The following ADORA2B variants were observed in gnomAD, a reference collection of about 807,000 sequenced individuals.
ADORA2B encodes adenosine receptor A2b.
ADORA2B carries 18 observed loss-of-function variants against 20.8 expected under a neutral mutation model. The ratio of observed to expected loss-of-function variants is 0.87; its 90% CI spans 0.60 to 1.29. ADORA2B has a LOEUF of 1.29. Among genes scored for constraint, ADORA2B ranks in the 50% most tolerant of loss-of-function variants. The pLI is 0.00. For missense variants in ADORA2B, 441 were observed against 422.7 expected, an observed-to-expected ratio of 1.04 and a Z score of -0.38; for synonymous variants, 179 against 178.3, an observed-to-expected ratio of 1.00 and a Z score of -0.03.
At chr17:15,924,513 C>T in the ADORA2B span, among the ~76,000 whole-genome samples, 1 of 151,988 alleles carries the variant, frequency 6.6e-6, no homozygotes, top group African/African-American at 2.4e-5. Flanking sequence ...GGGCAAATCA[C>T]GAGGTCAGGA....
chr17:15,908,562 A>G, the ADORA2B span: 1 of 187,192 alleles, frequency 5.3e-6, no homozygotes, highest in Non-Finnish European at 1.2e-5. Context: ...AAGGTCCTGA[A>G]CACAGACCGG....
chr17:15,960,485 C>G (rs912175062), intron 1 of ADORA2B, among the ~76,000 whole-genome samples: 490 of 6,170 alleles, frequency 0.079, 171 homozygotes, highest in African/African-American at 0.092. Flanking sequence ...ACCCGGGAGG[C>G]GGAGCTTGCA....
At chr17:15,958,908 T>C (rs1170466286) in intron 1 of ADORA2B, among the ~76,000 whole-genome samples, 1 of 152,246 alleles carries the variant, frequency 6.6e-6, no homozygotes, top group Non-Finnish European at 1.5e-5. Context: ...GCTTTCTCAT[T>C]ATCCCCTGTG....
upstream of ADORA2B, among the ~76,000 whole-genome samples, chr17:15,944,424 C>T (rs1366950858): frequency 6.6e-6 from 1 of 152,088 alleles, no homozygotes; most frequent in Non-Finnish European, 1.5e-5. This position sits in a 1 kb window ranked among gnomAD's most constrained non-coding sequence, Gnocchi z 4.8. Context: ...AAAAGAGGGC[C>T]CGGGGAACAC....
the ADORA2B span, among the ~76,000 whole-genome samples, chr17:15,875,042 T>G: frequency 1.3e-5 from 2 of 152,132 alleles, no homozygotes; most frequent in Non-Finnish European, 1.5e-5. Flanking sequence ...CATTTACATC[T>G]TTCTTCTGTG....
At chr17:15,918,586 C>T in the ADORA2B span, among the ~76,000 whole-genome samples, 1 of 152,198 alleles carries the variant, frequency 6.6e-6, no homozygotes, top group African/African-American at 2.4e-5. Flanking sequence ...ATTCTCCTGC[C>T]TCAGCCTGTC....
chr17:15,960,320 C>T (rs4558449), intron 1 of ADORA2B, among the ~76,000 whole-genome samples: 1 of 24,112 alleles, frequency 4.1e-5, no homozygotes, highest in Admixed American at 5.4e-4. Context: ...TTTGGGAGGC[C>T]GAGGCGGGCG....
At chr17:15,912,543 A>T in the ADORA2B span, among the ~76,000 whole-genome samples, 1 of 152,302 alleles carries the variant, frequency 6.6e-6, no homozygotes, top group Middle Eastern at 3.4e-3. Context: ...ATCATCACTT[A>T]TCACCTAGCC....
the ADORA2B span, among the ~76,000 whole-genome samples, chr17:15,925,181 G>A: frequency 1.2e-4 from 18 of 152,026 alleles, no homozygotes; most frequent in African/African-American, 4.1e-4. Context: ...GATTATAGGC[G>A]CCTGCCACCA....
the ADORA2B span, among the ~76,000 whole-genome samples, chr17:15,920,719 CAA>C: frequency 2.8e-3 from 253 of 89,348 alleles, no homozygotes; most frequent in African/African-American, 8.7e-3. Flanking sequence ...GACTCCGTCT[CAA>C]AAAAAAAAAA....
chr17:15,907,296 G>T, the ADORA2B span, among the ~76,000 whole-genome samples: 69 of 152,028 alleles, frequency 4.5e-4, no homozygotes, highest in Non-Finnish European at 8.1e-4. Flanking sequence ...CTAATGATAT[G>T]CTGATAATTT....
the ADORA2B span, among the ~76,000 whole-genome samples, chr17:15,926,501 G>T: frequency 6.6e-6 from 1 of 152,048 alleles, no homozygotes; most frequent in Non-Finnish European, 1.5e-5. Flanking sequence ...GAGCTTGATG[G>T]GTGGGCACAG....
chr17:15,909,539 C>T, the ADORA2B span, among the ~76,000 whole-genome samples: 1 of 151,550 alleles, frequency 6.6e-6, no homozygotes, highest in Non-Finnish European at 1.5e-5. Flanking sequence ...CTGGAGCGGC[C>T]GGCCTCTTTC....
chr17:15,970,799 A>G (rs1231964859), intron 1 of ADORA2B, among the ~76,000 whole-genome samples: 1 of 152,036 alleles, frequency 6.6e-6, no homozygotes, highest in Non-Finnish European at 1.5e-5. Flanking sequence ...AGGCTCTACT[A>G]TTGTCTTCTG....
the ADORA2B span, among the ~76,000 whole-genome samples, chr17:15,925,425 A>C: frequency 2.6e-5 from 4 of 152,158 alleles, no homozygotes; most frequent in Admixed American, 6.6e-5. Context: ...CTGGGATTAC[A>C]GGCAGGAGCC....
chr17:15,890,398 A>G, the ADORA2B span, among the ~76,000 whole-genome samples: 1 of 83,424 alleles, frequency 1.2e-5, no homozygotes, highest in East Asian at 2.6e-4. Flanking sequence ...CTATGTATAT[A>G]CTGGTTTTAA....
At chr17:15,947,923 C>T (rs1969830215) in intron 1 of ADORA2B, among the ~76,000 whole-genome samples, 1 of 152,206 alleles carries the variant, frequency 6.6e-6, no homozygotes, top group South Asian at 2.1e-4. Context: ...GGGCCTGAAG[C>T]TTTCCTCACT....
chr17:15,925,988 G>A, the ADORA2B span, among the ~76,000 whole-genome samples: 1 of 151,968 alleles, frequency 6.6e-6, no homozygotes, highest in East Asian at 1.9e-4. Flanking sequence ...AACAGATTTA[G>A]GGTTAAGGCG....
chr17:15,856,710 G>A, the ADORA2B span, among the ~76,000 whole-genome samples: 7 of 152,216 alleles, frequency 4.6e-5, no homozygotes, highest in Non-Finnish European at 1.0e-4. Flanking sequence ...CACTCTTGCT[G>A]TCTTTTAGCA....
Sources: gnomAD v4.1 joint callset for allele counts (sites outside exome capture counted in the v4.1 genomes callset) on GRCh38, gnomAD v4.1.1 for gene constraint, Gnocchi (gnomAD v3.1) non-coding constraint, MANE v1.5 for transcripts, NCBI Gene and HGNC (gene_info 2026-07-23, HGNC 2026-07-21) for gene names.